ARID4B: variants seen among roughly 807,000 people sequenced by gnomAD.
The protein encoded by ARID4B is AT-rich interactive domain-containing protein 4B.
A neutral mutation model predicts 147.5 loss-of-function variants in ARID4B; 26 were observed. That is an observed-to-expected ratio of 0.18 (90% CI 0.13 to 0.24). ARID4B has a LOEUF of 0.24. Ranked by LOEUF, ARID4B falls within the 10% of genes least tolerant of loss-of-function variation. ARID4B has a pLI of 1.00. For synonymous variants in ARID4B, 512 were observed against 507.9 expected, an observed-to-expected ratio of 1.01 and a Z score of -0.11; for missense variants, 1,179 against 1,511.5, an observed-to-expected ratio of 0.78 and a Z score of 3.65.
intron 2 of ARID4B, among the ~76,000 whole-genome samples, chr1:235,300,417 A>AT (rs982462952): frequency 4.1e-5 from 3 of 72,330 alleles, no homozygotes; most frequent in African/African-American, 6.2e-5. Context: ...ACTCCGTCTC[A>AT]TAAAAAAAAA....
intron 2 of ARID4B, 115 bp downstream of exon 2, chr1:235,326,799 C>T (rs943394673): frequency 5.1e-6 from 7 of 1,372,404 alleles, no homozygotes; most frequent in African/African-American, 1.4e-5. Context: ...GTCACCAAGT[C>T]ACCAAACACA....
intron 16 of ARID4B, among the ~76,000 whole-genome samples, chr1:235,214,877 C>T (rs1024492511): frequency 2.4e-5 from 3 of 127,102 alleles, no homozygotes; most frequent in East Asian, 2.4e-4. Context: ...TCACTCCTGT[C>T]GCCCAGGCTG....
intron 17 of ARID4B, among the ~76,000 whole-genome samples, chr1:235,211,368 A>G (rs1666711912): frequency 6.6e-6 from 1 of 152,102 alleles, no homozygotes; most frequent in South Asian, 2.1e-4. Context: ...AAGGGAAGGA[A>G]ATGAGCCCTG....
At chr1:235,255,268 T>TCTATCTATCTATCTATCC (rs1558250713) in intron 5 of ARID4B, among the ~76,000 whole-genome samples, 2 of 122,614 alleles carry the variant, frequency 1.6e-5, no homozygotes, top group Non-Finnish European at 3.3e-5. Flanking sequence ...GATAGATATA[T>TCTATCTATCTATCTATCC]ATCTCTCTCT....
At chr1:235,199,303 A>T (rs1665717495) in intron 17 of ARID4B, among the ~76,000 whole-genome samples, 1 of 151,918 alleles carries the variant, frequency 6.6e-6, no homozygotes, top group African/African-American at 2.4e-5. Flanking sequence ...TTTCTATTCT[A>T]CTTTCTCAGT....
At chr1:235,205,350 GA>G (rs1408656617) in intron 17 of ARID4B, among the ~76,000 whole-genome samples, 1 of 152,128 alleles carries the variant, frequency 6.6e-6, no homozygotes, top group Non-Finnish European at 1.5e-5. Context: ...AAAAGTAACA[GA>G]AAATTAATAT....
chr1:235,246,972 C>T (rs529363294), intron 6 of ARID4B, among the ~76,000 whole-genome samples: 8 of 152,182 alleles, frequency 5.3e-5, no homozygotes, highest in African/African-American at 1.4e-4. Flanking sequence ...ATCAATCGCA[C>T]GAACAAAAAG....
intron 13 of ARID4B, among the ~76,000 whole-genome samples, chr1:235,221,920 TG>T (rs1667500346): frequency 9.2e-5 from 9 of 98,006 alleles, no homozygotes; most frequent in East Asian, 7.7e-4. Context: ...TTTTTTTTTT[TG>T]GAGACAGGAT....
At chr1:235,219,998 C>G in intron 15 of ARID4B, 30 bp from the exon 16 acceptor site, 1 of 1,433,416 alleles carries the variant, frequency 7.0e-7, no homozygotes, top group Non-Finnish European at 9.3e-7. Flanking sequence ...AAGAAACCAA[C>G]AAAAGTAAAA....
intron 2 of ARID4B, among the ~76,000 whole-genome samples, chr1:235,266,128 C>G (rs1374606862): frequency 6.6e-6 from 1 of 152,142 alleles, no homozygotes; most frequent in Non-Finnish European, 1.5e-5. Context: ...GCAAGAGAAT[C>G]TTAAATCTTT....
chr1:235,229,450 T>C, intron 10 of ARID4B, 65 bp from the exon 11 acceptor site: 1 of 1,134,408 alleles, frequency 8.8e-7, no homozygotes, highest in Non-Finnish European at 1.3e-6. Flanking sequence ...CAAAAAGTAT[T>C]AAACACGATA....
chr1:235,306,200 T>C (rs1235655250), intron 2 of ARID4B, among the ~76,000 whole-genome samples: 2 of 152,104 alleles, frequency 1.3e-5, no homozygotes, highest in South Asian at 4.1e-4. Context: ...TAAAGACAAA[T>C]TTAGAAATTA....
intron 17 of ARID4B, among the ~76,000 whole-genome samples, chr1:235,211,427 A>G (rs1286293186): frequency 6.6e-6 from 1 of 152,170 alleles, no homozygotes; most frequent in African/African-American, 2.4e-5. Context: ...TCCCTTTTTC[A>G]TAGAATTTCA....
At chr1:235,318,461 C>G (rs756028298) in intron 2 of ARID4B, among the ~76,000 whole-genome samples, 54 of 151,920 alleles carry the variant, frequency 3.6e-4, no homozygotes, top group Non-Finnish European at 6.6e-4. Flanking sequence ...CGTGAGCCAT[C>G]GCGCCTGGTC....
At position 235,297,463 on chromosome 1, in the gene ARID4B, T is replaced by C. The variant is rs139019377; in HGVS notation, c.6+29451A>G. On this transcript the variant is annotated intron_variant, in intron 2 of 23. Coordinates refer to ENST00000264183, the MANE Select transcript of ARID4B (RefSeq NM_016374.6). ...AATAAAAGTTTTCTTTACAAAAGAA[T>C]TTCAACTAATAAATGTAGGAGTGAT... 5.4e-3 allele frequency among the ~76,000 whole-genome samples: 820 copies of C among 152,288 alleles called. 13 individuals are homozygous for C. The highest frequency in any genetic ancestry group is 0.017 in the African/African-American group (725 of 41,546).
chr1:235,193,954 G>A, intron 19 of ARID4B, 59 bp downstream of exon 19: 2 of 1,338,844 alleles, frequency 1.5e-6, no homozygotes, highest in South Asian at 2.5e-5. Context: ...TACCTTTATA[G>A]AACTTGACTC....
Position 235,326,945 on chromosome 1 carries a change from C to A in ARID4B, c.-26G>T. 6.2e-7 allele frequency: 1 copy of A among 1,613,574 alleles called. No homozygotes were observed. Among genetic ancestry groups the A allele is most frequent in the Non-Finnish European group, 8.5e-7 (1 of 1,179,602 alleles). ...GATGACTCTGGGACCAAGGTATCCT[C>A]TAAAACACCAGGTTCAGCTGCACCT... On this transcript the variant is annotated 5_prime_UTR_variant, in exon 2 of 24. Transcript: ENST00000264183.
At chr1:235,196,784 G>A (rs758697795) in intron 17 of ARID4B, among the ~76,000 whole-genome samples, 25 of 150,590 alleles carry the variant, frequency 1.7e-4, no homozygotes, top group East Asian at 3.9e-4. Context: ...ACCCAGGAGC[G>A]GAGCTTGCAG....
In ARID4B at chr1:235,252,924, G is replaced by A; in HGVS notation, c.275-115C>T. 7 of 689,196 alleles carry A rather than the reference G, an allele frequency of 1.0e-5. No individual in the cohort carries two copies. The South Asian group carries it at 1.7e-4, about 17-fold the overall frequency. The allele number at this position is 689,196 out of a possible 1,614,324, so 42.7% of individuals were successfully genotyped here. A position where few individuals can be genotyped will look rare whatever the true frequency, so the allele number is the denominator to read the frequency against. ...GATCTACTATTTAAGACTACATTTG[G>A]AATTCAATTCACATTTTATGTTTTC... is the stretch of plus-strand genomic sequence containing the variant. On this transcript the variant is annotated intron_variant, in intron 5 of 23. Coordinates refer to ENST00000264183, the MANE Select transcript of ARID4B (RefSeq NM_016374.6).
Sources: gnomAD v4.1 joint callset for allele counts (sites outside exome capture counted in the v4.1 genomes callset) on GRCh38, gnomAD v4.1.1 for gene constraint, MANE v1.5 for transcripts, NCBI Gene and HGNC (gene_info 2026-07-23, HGNC 2026-07-21) for gene names.